The following PTPRD variants were observed in gnomAD, a reference collection of about 807,000 sequenced individuals.
PTPRD encodes the protein receptor-type tyrosine-protein phosphatase delta.
PTPRD carries 34 observed loss-of-function variants against 214.5 expected under a neutral mutation model. The ratio of observed to expected loss-of-function variants is 0.16; its 90% CI spans 0.12 to 0.21. The LOEUF is 0.21. Among genes scored for constraint, PTPRD ranks in the 10% least tolerant of loss-of-function variants. The pLI, the probability that PTPRD is intolerant of heterozygous loss-of-function variation, is 1.00. For synonymous variants in PTPRD, 1,128 were observed against 845.7 expected (o/e 1.33, Z -5.79); for missense variants, 2,545 against 2,398.7 (o/e 1.06, Z -1.27).
At chr9:9,078,767 G>T (rs2099754773) in intron 10 of PTPRD, among the ~76,000 whole-genome samples, 1 of 152,084 alleles carries the variant, frequency 6.6e-6, no homozygotes, top group Non-Finnish European at 1.5e-5. Flanking sequence ...GTGAGCTCTG[G>T]AGCTGGGATG....
At chr9:9,897,876 A>C (rs2075412456) in intron 5 of PTPRD, among the ~76,000 whole-genome samples, 1 of 152,050 alleles carries the variant, frequency 6.6e-6, no homozygotes, top group South Asian at 2.1e-4. Context: ...AATAGTATAC[A>C]TTTTAGGCTT....
chr9:10,117,331 T>A (rs291297), intron 3 of PTPRD, among the ~76,000 whole-genome samples: 1,770 of 152,250 alleles, frequency 0.012, 18 homozygotes, highest in Middle Eastern at 0.027. Context: ...AGCATACTTG[T>A]TAACTGAAAG....
intron 5 of PTPRD, among the ~76,000 whole-genome samples, chr9:9,793,993 C>G (rs1163573055): frequency 6.6e-6 from 1 of 151,950 alleles, no homozygotes; most frequent in Non-Finnish European, 1.5e-5. Flanking sequence ...AAGACTTAAT[C>G]TGATTCCACC....
intron 11 of PTPRD, among the ~76,000 whole-genome samples, chr9:8,773,801 T>C (rs1019196241): frequency 1.3e-5 from 2 of 152,356 alleles, no homozygotes; most frequent in South Asian, 4.1e-4. Context: ...GTTTCAAATA[T>C]ACAAAATATT....
chr9:10,342,174 GATC>G (rs2096953685), intron 2 of PTPRD, among the ~76,000 whole-genome samples: 1 of 152,014 alleles, frequency 6.6e-6, no homozygotes, highest in South Asian at 2.1e-4. Context: ...TTCACTGGAA[GATC>G]ATCAGATCGT....
At chr9:8,410,581 T>G (rs2093431182) in intron 35 of PTPRD, among the ~76,000 whole-genome samples, 1 of 152,200 alleles carries the variant, frequency 6.6e-6, no homozygotes, top group Non-Finnish European at 1.5e-5. Flanking sequence ...AGACTCTCAG[T>G]ATTAACAAAT....
In PTPRD at chr9:8,359,153, A is replaced by G. The variant is rs1017691613; in HGVS notation, c.4661+16783T>C. ...AAAAAAAAAAACAAAAAAAAATTGA[A>G]TCAGATTTTAGATTCGGCAGGGATC... On this transcript the variant is annotated intron_variant, in intron 39 of 45. Transcript: ENST00000381196. 6.2e-5 allele frequency among the ~76,000 whole-genome samples: 9 copies of G among 144,962 alleles called. 1 individual carries two copies. Among genetic ancestry groups the G allele is most frequent in the Admixed American group, 2.1e-4 (3 of 14,400 alleles).
At chr9:8,899,987 T>A (rs894778987) in intron 11 of PTPRD, among the ~76,000 whole-genome samples, 1 of 152,336 alleles carries the variant, frequency 6.6e-6, no homozygotes, top group African/African-American at 2.4e-5. Context: ...GAACACATCT[T>A]CTTTTTGAGA....
chr9:9,482,747 G>T (rs1163324743), intron 8 of PTPRD, among the ~76,000 whole-genome samples: 1 of 152,122 alleles, frequency 6.6e-6, no homozygotes, highest in African/African-American at 2.4e-5. Context: ...AATATTCACA[G>T]AAGATAATTG....
chr9:10,169,831 G>A (rs1260111702), intron 3 of PTPRD, among the ~76,000 whole-genome samples: 2 of 152,090 alleles, frequency 1.3e-5, no homozygotes, highest in Non-Finnish European at 2.9e-5. Context: ...GACATGCAAA[G>A]AAATAAGAAA....
At position 9,077,430 on chromosome 9, in the gene PTPRD, G is replaced by C. The variant is rs549140004; in HGVS notation, c.-142-58695C>G. On this transcript the variant is annotated intron_variant, in intron 10 of 45. Transcript: ENST00000381196. ...ATGGATCTATTTCCTAATGTAGTAA[G>C]TCTTTTCCATTGCTAACTTTGGTGA... Among the ~76,000 whole-genome samples the C allele has an allele frequency of 3.9e-5, 6 of 152,018 alleles. No individual in the cohort carries two copies. In the East Asian group the frequency reaches 7.7e-4, roughly 20 times the overall value.
intron 3 of PTPRD, among the ~76,000 whole-genome samples, chr9:10,310,430 C>T (rs1260080317): frequency 6.6e-6 from 1 of 151,858 alleles, no homozygotes; most frequent in Non-Finnish European, 1.5e-5. Flanking sequence ...ATTAGTCATG[C>T]CTATTTTAAT....
chr9:10,392,888 AGTGGGTGGAGTAGGCAG>A (rs1183337704), intron 2 of PTPRD, among the ~76,000 whole-genome samples: 1 of 151,848 alleles, frequency 6.6e-6, no homozygotes, highest in East Asian at 2.0e-4. Flanking sequence ...TGAGGCCTTC[AGTGGGTGGAGTAGGCAG>A]GTCTTGGTAT....
intron 9 of PTPRD, among the ~76,000 whole-genome samples, chr9:9,231,322 G>C (rs2099962976): frequency 6.6e-6 from 1 of 152,062 alleles, no homozygotes; most frequent in Non-Finnish European, 1.5e-5. Flanking sequence ...GGCTGGAAAA[G>C]CCAAATTAGA....
intron 2 of PTPRD, among the ~76,000 whole-genome samples, chr9:10,465,633 G>C (rs2098988380): frequency 6.6e-6 from 1 of 152,094 alleles, no homozygotes; most frequent in Non-Finnish European, 1.5e-5. Context: ...TGTTTAGATA[G>C]GTTTATATAC....
chr9:10,264,457 T>C (rs182081102), intron 3 of PTPRD, among the ~76,000 whole-genome samples: 159 of 152,184 alleles, frequency 1.0e-3, no homozygotes, highest in African/African-American at 3.6e-3. Flanking sequence ...TCAAAGGAGA[T>C]CATTTTGGAG....
chr9:8,915,963 G>A (rs10759017), intron 11 of PTPRD, among the ~76,000 whole-genome samples: 29,113 of 152,156 alleles, frequency 0.19, 3,600 homozygotes, highest in Non-Finnish European at 0.27. Flanking sequence ...GAATGAAGGA[G>A]AAGAAGGTGT....
At chr9:9,483,029 T>G (rs1043493525) in intron 8 of PTPRD, among the ~76,000 whole-genome samples, 1 of 152,206 alleles carries the variant, frequency 6.6e-6, no homozygotes, top group Non-Finnish European at 1.5e-5. Flanking sequence ...TTTTAAATTC[T>G]GCAGTTCTGT....
intron 36 of PTPRD, among the ~76,000 whole-genome samples, chr9:8,389,647 T>C (rs574801404): frequency 6.6e-6 from 1 of 152,258 alleles, no homozygotes; most frequent in Non-Finnish European, 1.5e-5. Context: ...ATACAATAGA[T>C]GGTCCATAGA....
Sources: allele counts gnomAD v4.1 joint callset (sites outside exome capture counted in the v4.1 genomes callset), GRCh38; gene constraint gnomAD v4.1.1; transcripts MANE v1.5; gene names NCBI Gene and HGNC (gene_info 2026-07-23, HGNC 2026-07-21).